OTUD7B: variants seen among roughly 807,000 people sequenced by gnomAD.
OTUD7B encodes OTU domain-containing protein 7B.
In OTUD7B, 34 loss-of-function variants were observed where a neutral mutation model predicts 82.2. The ratio of observed to expected loss-of-function variants is 0.41; its 90% CI spans 0.31 to 0.55. The LOEUF is 0.55. Among genes scored for constraint, OTUD7B ranks in the 20% least tolerant of loss-of-function variants. OTUD7B has a pLI of 0.20. For synonymous variants in OTUD7B, 398 were observed against 402.7 expected (o/e 0.99, Z 0.14); for missense variants, 944 against 1,062.1 (o/e 0.89, Z 1.55).
the OTUD7B span, among the ~76,000 whole-genome samples, chr1:150,015,761 G>A: frequency 6.6e-6 from 1 of 152,108 alleles, no homozygotes. Flanking sequence ...TGGCTTCAGG[G>A]GAGATTGGCC....
rs1553777542 is a variant in OTUD7B at position 149,971,131 on chromosome 1, C to T, written c.206G>A (p.Gly69Glu). The change falls in exon 3 of 12, where the codon GGG (glycine) becomes GAG (glutamate). Residue 69 changes from glycine (G) to glutamate (E), a missense_variant. Around this residue, in one of 3 missense-constraint regions of OTUD7B, gnomAD observed 530 missense variants for 625.6 expected, o/e 0.85. Transcript: ENST00000581312. ...GSGGSRTPEK[G>E]FSDREPTRPP... ...GCGAGTAGGCTCTCTGTCAGAAAAC[C>T]CTTTTTCAGGGGTCCTGGAGCCACC... The T allele has an allele frequency of 6.2e-7, 1 of 1,613,414 alleles. No homozygotes were observed. The highest frequency in any genetic ancestry group is 1.7e-5 in the Admixed American group (1 of 59,990).
intron 1 of OTUD7B, among the ~76,000 whole-genome samples, chr1:150,005,176 A>C (rs1454750681): frequency 6.6e-6 from 1 of 152,228 alleles, no homozygotes; most frequent in Non-Finnish European, 1.5e-5. Flanking sequence ...TGGCATATTA[A>C]GAGGCTCAGC....
At chr1:150,044,568 G>C in the OTUD7B span, among the ~76,000 whole-genome samples, 2 of 151,708 alleles carry the variant, frequency 1.3e-5, no homozygotes, top group Non-Finnish European at 2.9e-5. Context: ...TACTTGGGAG[G>C]CTGAGGTAGG....
At chr1:150,059,048 C>CTTTTTTTT in the OTUD7B span, among the ~76,000 whole-genome samples, 82 of 140,980 alleles carry the variant, frequency 5.8e-4, 1 homozygote, top group African/African-American at 2.1e-3. Context: ...TTCTTACTTT[C>CTTTTTTTT]TTTTCTTTTT....
chr1:149,970,462 G>A (rs1419890669), intron 3 of OTUD7B, among the ~76,000 whole-genome samples: 2 of 151,794 alleles, frequency 1.3e-5, no homozygotes, highest in Non-Finnish European at 2.9e-5. Flanking sequence ...GGGATTATAG[G>A]CATGTACCAC....
rs1553771469 is a variant in OTUD7B, at chr1:149,944,496, G to A, written c.1893C>T (p.Tyr631=). Residue 631 remains tyrosine, a synonymous_variant, in exon 12 of 12, where the codon TAC becomes TAT. Transcript: ENST00000581312. ...GGAATCTCTCCTCAGCATCAGAAAG[G>A]TAGCGCTGGATCATTTCCTCCTGAT... ...HQYQEEMIQR[Y]LSDAEERFLA... is the part of the protein sequence containing the mutation. 6.2e-7 allele frequency: 1 copy of A among 1,613,992 alleles called. No individual in the cohort carries two copies. Among genetic ancestry groups the A allele is most frequent in the Non-Finnish European group, 8.5e-7 (1 of 1,180,038 alleles).
intron 1 of OTUD7B, among the ~76,000 whole-genome samples, chr1:150,002,710 A>G (rs1054555170): frequency 2.0e-5 from 3 of 152,182 alleles, no homozygotes; most frequent in Admixed American, 2.0e-4. Context: ...CACTTCTGTG[A>G]TCCTGAGTAA....
chr1:150,026,064 T>C, the OTUD7B span, among the ~76,000 whole-genome samples: 2 of 152,236 alleles, frequency 1.3e-5, no homozygotes, highest in Non-Finnish European at 2.9e-5. Context: ...TGGAGATTCC[T>C]AGAATTTTAT....
At position 149,945,004 on chromosome 1, in the gene OTUD7B, G is replaced by A; in HGVS notation, c.1385C>T (p.Pro462Leu). Residue 462 changes from proline (P) to leucine (L), a missense_variant, in exon 12 of 12, where the codon CCT becomes CTT. Coordinates refer to ENST00000581312, the MANE Select transcript of OTUD7B (RefSeq NM_020205.4). ...ASAGDEPRST[P>L]ESGDSDKESV... ...CTCCTTGTCTGAGTCTCCAGACTCAGGAGTGGACCGGGGCTCATCTCCAGC... is the reference window on the plus strand; with the variant it reads ...CTCCTTGTCTGAGTCTCCAGACTCAAGAGTGGACCGGGGCTCATCTCCAGC... The A allele has an allele frequency of 6.2e-7, 1 of 1,614,198 alleles. No individual in the cohort carries two copies. The highest frequency in any genetic ancestry group is 8.5e-7 in the Non-Finnish European group (1 of 1,180,044).
chr1:150,006,755 T>C (rs1172877533), intron 1 of OTUD7B, among the ~76,000 whole-genome samples: 1 of 152,170 alleles, frequency 6.6e-6, no homozygotes, highest in African/African-American at 2.4e-5. Context: ...TCCCCACAGG[T>C]TGGTGCACTA....
rs1028539832 is a variant in OTUD7B at position 149,944,114 on chromosome 1, G to A, written c.2275C>T (p.Leu759Phe). 4 of 1,614,000 alleles carry A rather than the reference G, an allele frequency of 2.5e-6. No homozygotes were observed. The highest frequency in any genetic ancestry group is 3.4e-6 in the Non-Finnish European group (4 of 1,180,010). Residue 759 changes from leucine to phenylalanine, a missense_variant, in exon 12 of 12, where the codon CTT (leucine) becomes TTT (phenylalanine). By Grantham distance (22) the Leu-to-Phe change is conservative. Around this residue, in one of 3 missense-constraint regions of OTUD7B, gnomAD observed 412 missense variants for 418.7 expected, o/e 0.98. Transcript: ENST00000581312. The stretch of plus-strand genomic sequence containing the variant: ...GGTGGTAACAAGGCACCCCTGTGAA[G>A]TCCATCCTTAGAGTGGCTGCCTGGC... ...LEPGSHSKDG[L>F]HRGALLPPPY...
Position 149,945,023 on chromosome 1 carries a change from C to G in OTUD7B, c.1366G>C (p.Asp456His). The G allele has an allele frequency of 6.2e-7, 1 of 1,614,134 alleles. No homozygotes were observed. The highest frequency in any genetic ancestry group is 8.5e-7 in the Non-Finnish European group (1 of 1,180,022). ...GACTCAGGAGTGGACCGGGGCTCAT[C>G]TCCAGCTGAGGCGGTGGGGGACTCA... ...QPESPTASAG[D>H]EPRSTPESGD... Residue 456 changes from aspartate (D) to histidine (H), a missense_variant, in exon 12 of 12, where the codon GAT becomes CAT. Physicochemically the swap from Asp to His is moderately conservative, Grantham distance 81. Coordinates refer to ENST00000581312, the MANE Select transcript of OTUD7B (RefSeq NM_020205.4).
chr1:149,948,852 A>G, intron 10 of OTUD7B, 117 bp downstream of exon 10: 1 of 683,332 alleles, frequency 1.5e-6, no homozygotes, highest in Non-Finnish European at 2.6e-6. Flanking sequence ...ATCTTCCCAA[A>G]ACTCATCTTA....
At chr1:149,958,849 A>G (rs1648922332) in intron 7 of OTUD7B, among the ~76,000 whole-genome samples, 2 of 151,362 alleles carry the variant, frequency 1.3e-5, no homozygotes, top group Non-Finnish European at 2.9e-5. Flanking sequence ...AGCTCAGGCA[A>G]TCCTCCCACC....
intron 1 of OTUD7B, among the ~76,000 whole-genome samples, chr1:150,003,764 C>G (rs782743109): frequency 2.0e-5 from 3 of 152,142 alleles, no homozygotes; most frequent in Non-Finnish European, 4.4e-5. Context: ...CCCTTCTGCT[C>G]TTTCCCTAAA....
chr1:150,063,126 T>G, the OTUD7B span, among the ~76,000 whole-genome samples: 1 of 152,182 alleles, frequency 6.6e-6, no homozygotes, highest in Non-Finnish European at 1.5e-5. Context: ...TACTCAGGTC[T>G]CTGAGTATAT....
intron 2 of OTUD7B, among the ~76,000 whole-genome samples, chr1:149,974,194 T>C (rs1650132767): frequency 6.6e-6 from 1 of 152,178 alleles, no homozygotes; most frequent in Non-Finnish European, 1.5e-5. Flanking sequence ...ACCTCCTGAG[T>C]AGCTGGGATT....
rs913047330 is a variant in OTUD7B, at chr1:149,941,439, G to A, written c.*2418C>T. ...CTGTTGTTTGGTGTGTGATGGGGGT[G>A]GAGGCGCACACAGTGGTGTTCTCGC... is the stretch of plus-strand genomic sequence containing the variant. On this transcript the variant is annotated 3_prime_UTR_variant, in exon 12 of 12. Coordinates refer to ENST00000581312, the MANE Select transcript of OTUD7B (RefSeq NM_020205.4). 8.5e-5 allele frequency: 13 copies of A among 152,376 alleles called. No homozygotes were observed. The highest frequency in any genetic ancestry group is 3.1e-4 in the African/African-American group (13 of 41,460). The allele number at this position is 152,376 out of a possible 1,614,324, so 9.4% of individuals were successfully genotyped here. A position where few individuals can be genotyped will look rare whatever the true frequency, so the allele number is the denominator to read the frequency against.
chr1:150,026,746 G>C, the OTUD7B span, among the ~76,000 whole-genome samples: 1 of 152,132 alleles, frequency 6.6e-6, no homozygotes, highest in Admixed American at 6.6e-5. Context: ...AAAGTGAAAA[G>C]TGAAGAGAGA....
Sources: gnomAD v4.1 joint callset for allele counts (sites outside exome capture counted in the v4.1 genomes callset) on GRCh38, gnomAD v4.1.1 for gene constraint, gnomAD v4.1.1 regional missense constraint, MANE v1.5 for transcripts, NCBI Gene and HGNC (gene_info 2026-07-23, HGNC 2026-07-21) for gene names.